RMP64: variants seen among roughly 807,000 people sequenced by gnomAD.
RMP64 encodes ribonuclease MRP subunit p64.
At chr3:113,003,984 C>T in the RMP64 span, 1 of 152,140 alleles carries the variant, frequency 6.6e-6, no homozygotes, top group Non-Finnish European at 1.5e-5. Flanking sequence ...AGCTATACAC[C>T]AGTTCTCTTA....
chr3:113,011,313 A>G, the RMP64 span: 15 of 1,613,620 alleles, frequency 9.3e-6, no homozygotes, highest in Non-Finnish European at 1.2e-5. Flanking sequence ...CTTTGAAGTA[A>G]GGCATTGGTT....
At chr3:113,019,500 C>A in the RMP64 span, 1 of 1,517,584 alleles carries the variant, frequency 6.6e-7, no homozygotes. Context: ...TGGCGGCCTC[C>A]CCCGGAAACG....
chr3:113,010,204 C>T, the RMP64 span, among the ~76,000 whole-genome samples: 3 of 152,208 alleles, frequency 2.0e-5, no homozygotes, highest in East Asian at 1.9e-4. Flanking sequence ...GACTACCGAA[C>T]GCTTTACATG....
chr3:113,012,496 T>C, the RMP64 span: 2 of 343,110 alleles, frequency 5.8e-6, no homozygotes, highest in South Asian at 2.7e-4. Context: ...TCCCGATTTT[T>C]TTAGTTGTTC....
At chr3:113,019,195 G>A in the RMP64 span, 1 of 307,182 alleles carries the variant, frequency 3.3e-6, no homozygotes, top group Non-Finnish European at 6.1e-6. Context: ...GGGTAAACAA[G>A]ACTCCGAAGA....
At chr3:113,019,157 AAAAG>A in the RMP64 span, 6 of 228,220 alleles carry the variant, frequency 2.6e-5, no homozygotes, top group Admixed American at 5.5e-5. Flanking sequence ...GGGTACAGGA[AAAAG>A]AAGGAAAGGG....
At chr3:113,012,998 A>C in the RMP64 span, 34 of 609,134 alleles carry the variant, frequency 5.6e-5, no homozygotes, top group South Asian at 6.8e-4. Context: ...TAGAGTTCCC[A>C]TTATTAAATT....
chr3:113,019,451 G>A, the RMP64 span: 2 of 1,079,122 alleles, frequency 1.9e-6, no homozygotes, highest in African/African-American at 1.6e-5. Context: ...GGGCCGGGAA[G>A]TCCCGGTACC....
the RMP64 span, chr3:113,008,148 CAT>C: frequency 3.8e-6 from 6 of 1,598,452 alleles, no homozygotes; most frequent in Non-Finnish European, 5.1e-6. Flanking sequence ...AGTAAAGTAA[CAT>C]AATTTTTGCA....
At chr3:113,011,860 TCAAA>T in the RMP64 span, among the ~76,000 whole-genome samples, 1 of 152,158 alleles carries the variant, frequency 6.6e-6, no homozygotes, top group Non-Finnish European at 1.5e-5. Flanking sequence ...TGATTAGTAA[TCAAA>T]CATTGTTACC....
the RMP64 span, chr3:113,019,299 C>T: frequency 2.4e-5 from 13 of 551,034 alleles, no homozygotes; most frequent in Non-Finnish European, 3.5e-5. Context: ...GAGCCTTGGT[C>T]TTTCATCTCT....
At chr3:113,011,525 A>G in the RMP64 span, 3 of 862,836 alleles carry the variant, frequency 3.5e-6, no homozygotes, top group Non-Finnish European at 5.4e-6. Flanking sequence ...AGTACAGATA[A>G]AAAACACTAT....
chr3:113,015,219 C>CTTTTT, the RMP64 span, among the ~76,000 whole-genome samples: 2 of 152,064 alleles, frequency 1.3e-5, no homozygotes. Flanking sequence ...ATGGCTCTTA[C>CTTTTT]TTTTTTTAAA....
chr3:113,019,389 T>G, the RMP64 span: 1 of 636,848 alleles, frequency 1.6e-6, no homozygotes, highest in Non-Finnish European at 2.8e-6. Flanking sequence ...ACCAGCAAAG[T>G]GCTGGGACCG....
At chr3:113,006,266 A>G in the RMP64 span, among the ~76,000 whole-genome samples, 9 of 152,324 alleles carry the variant, frequency 5.9e-5, no homozygotes, top group East Asian at 1.7e-3. Context: ...AATTAGCTGA[A>G]TGGCGAGATA....
chr3:113,012,106 A>C, the RMP64 span, among the ~76,000 whole-genome samples: 1 of 152,320 alleles, frequency 6.6e-6, no homozygotes, highest in East Asian at 1.9e-4. Context: ...CCATCAGATC[A>C]GTTTCACAAT....
chr3:113,006,405 A>G, the RMP64 span, among the ~76,000 whole-genome samples: 2 of 152,242 alleles, frequency 1.3e-5, no homozygotes, highest in African/African-American at 4.8e-5. Flanking sequence ...CTGGATAATC[A>G]GCTTCATGCT....
the RMP64 span, among the ~76,000 whole-genome samples, chr3:113,007,549 C>T: frequency 6.6e-6 from 1 of 151,854 alleles, no homozygotes; most frequent in East Asian, 1.9e-4. Flanking sequence ...GAAATCATTA[C>T]CGTTAAGCCC....
At chr3:113,008,791 A>G in the RMP64 span, 1 of 186,288 alleles carries the variant, frequency 5.4e-6, no homozygotes, top group South Asian at 1.1e-4. Flanking sequence ...GTACCAGGAC[A>G]GGTCCCATCT....
Sources: allele counts gnomAD v4.1 joint callset (sites outside exome capture counted in the v4.1 genomes callset), GRCh38; gene constraint gnomAD v4.1.1; transcripts MANE v1.5; gene names NCBI Gene and HGNC (gene_info 2026-07-23, HGNC 2026-07-21).